Variants in LRCH2 observed in about 807,000 individuals in gnomAD.
The protein encoded by LRCH2 is leucine-rich repeat and calponin homology domain-containing protein 2.
A neutral mutation model predicts 68.9 loss-of-function variants in LRCH2; 38 were observed. That is an observed-to-expected ratio of 0.55 (90% CI 0.43 to 0.72). The LOEUF (loss-of-function observed/expected upper bound fraction) is 0.72, where lower values mean the gene tolerates loss of function less well. LRCH2 is among the 30% of genes least tolerant of loss of function. The pLI, the probability that LRCH2 is intolerant of heterozygous loss-of-function variation, is 0.00. For synonymous variants in LRCH2, 191 were observed against 208.1 expected (o/e 0.92, Z 0.71); for missense variants, 528 against 572.9 (o/e 0.92, Z 0.80).
intron 1 of LRCH2, among the ~76,000 whole-genome samples, chrX:115,228,348 T>G (rs2073132638): frequency 9.0e-6 from 1 of 110,911 alleles, no homozygotes. Flanking sequence ...ACACTCAAAG[T>G]GTAGAGAAAA....
chrX:115,202,432 TATTTGGGTGACAG>T (rs2072937036), intron 1 of LRCH2, among the ~76,000 whole-genome samples: 1 of 111,886 alleles, frequency 8.9e-6, no homozygotes, highest in African/African-American at 3.2e-5. Context: ...CAATGTATGT[TATTTGGGTGACAG>T]ATTCTCTGAA....
intron 2 of LRCH2, among the ~76,000 whole-genome samples, chrX:115,187,852 T>C (rs781891992): frequency 8.9e-5 from 10 of 112,853 alleles, no homozygotes; most frequent in African/African-American, 3.2e-4. Context: ...AAAATCTGTA[T>C]CGTGGTGCTA....
chrX:115,119,531 A>C (rs1325065089), intron 20 of LRCH2, among the ~76,000 whole-genome samples: 1 of 71,835 alleles, frequency 1.4e-5, no homozygotes, highest in Non-Finnish European at 2.6e-5. Context: ...GATACAAACA[A>C]ATGGAAGAAC....
chrX:115,192,647 C>T (rs1014395403), intron 1 of LRCH2: 11 of 1,165,933 alleles, frequency 9.4e-6, no homozygotes, highest in Non-Finnish European at 1.3e-5. Flanking sequence ...AGATACTAAG[C>T]AGGAACAGAC....
At chrX:115,203,991 C>A (rs1342406592) in intron 1 of LRCH2, among the ~76,000 whole-genome samples, 1 of 112,932 alleles carries the variant, frequency 8.9e-6, no homozygotes, top group African/African-American at 3.2e-5. Flanking sequence ...CTGCAGCAGA[C>A]TTCTGCCTGG....
chrX:115,221,019 CA>C (rs1263693620), intron 1 of LRCH2, among the ~76,000 whole-genome samples: 6 of 104,638 alleles, frequency 5.7e-5, no homozygotes, highest in Non-Finnish European at 1.2e-4. Context: ...ACTAAAAATA[CA>C]AAAAAAATTA....
chrX:115,212,289 A>G (rs1161702027), intron 1 of LRCH2, among the ~76,000 whole-genome samples: 2 of 112,011 alleles, frequency 1.8e-5, no homozygotes, highest in Non-Finnish European at 3.8e-5. Flanking sequence ...ATGCATGCAC[A>G]TGCAGTATTA....
intron 1 of LRCH2, among the ~76,000 whole-genome samples, chrX:115,213,911 A>G (rs2073024601): frequency 8.9e-6 from 1 of 112,111 alleles, no homozygotes; most frequent in African/African-American, 3.2e-5. Context: ...AGAAATAATC[A>G]ATAGAAATGA....
intron 20 of LRCH2, among the ~76,000 whole-genome samples, chrX:115,118,699 A>G (rs1216954542): frequency 3.6e-5 from 4 of 111,247 alleles, no homozygotes; most frequent in South Asian, 3.8e-4. Context: ...ACCAAAGCCG[A>G]GCAGAGACAC....
intron 5 of LRCH2, among the ~76,000 whole-genome samples, chrX:115,177,568 G>A (rs915122410): frequency 8.9e-6 from 1 of 111,752 alleles, no homozygotes; most frequent in East Asian, 2.8e-4. Flanking sequence ...TGGAGCCCCT[G>A]ACTCTGTTTC....
At chrX:115,123,404 T>C (rs1244861066) in intron 17 of LRCH2, among the ~76,000 whole-genome samples, 1 of 112,315 alleles carries the variant, frequency 8.9e-6, no homozygotes, top group Non-Finnish European at 1.9e-5. Flanking sequence ...TTCTACCACC[T>C]ATACATGTTC....
chrX:115,159,567 T>C (rs1437595211), intron 11 of LRCH2, among the ~76,000 whole-genome samples: 2 of 108,826 alleles, frequency 1.8e-5, no homozygotes, highest in Non-Finnish European at 3.8e-5. Context: ...CTGGCTAACA[T>C]GGTGAAACCC....
intron 1 of LRCH2, among the ~76,000 whole-genome samples, chrX:115,193,045 A>G (rs782644752): frequency 1.8e-5 from 2 of 111,513 alleles, no homozygotes; most frequent in South Asian, 7.7e-4. Context: ...TTGTGGGTGG[A>G]GAGTGGGAGG....
At chrX:115,225,806 A>G (rs782367688) in intron 1 of LRCH2, among the ~76,000 whole-genome samples, 79 of 109,681 alleles carry the variant, frequency 7.2e-4, no homozygotes, top group Admixed American at 2.5e-3. Context: ...TTCACAGTAC[A>G]GGAAAGACAT....
intron 1 of LRCH2, among the ~76,000 whole-genome samples, chrX:115,207,695 G>T (rs2072978794): frequency 8.9e-6 from 1 of 111,954 alleles, no homozygotes; most frequent in African/African-American, 3.2e-5. Context: ...ACATAAAAAA[G>T]GACATTAAAA....
chrX:115,147,023 T>C (rs1274715417), intron 14 of LRCH2, among the ~76,000 whole-genome samples: 3 of 109,199 alleles, frequency 2.7e-5, no homozygotes, highest in African/African-American at 1.0e-4. Flanking sequence ...AAAGAAATCC[T>C]GTGCCTCAGT....
chrX:115,200,961 T>C (rs1236616580), intron 1 of LRCH2, among the ~76,000 whole-genome samples: 4 of 111,710 alleles, frequency 3.6e-5, no homozygotes, highest in African/African-American at 1.3e-4. Flanking sequence ...CTGTATCAGT[T>C]CATTTTCATG....
chrX:115,175,451 G>A (rs782626379), intron 5 of LRCH2, among the ~76,000 whole-genome samples: 1 of 111,378 alleles, frequency 9.0e-6, no homozygotes, highest in African/African-American at 3.3e-5. Context: ...AGGAACAAAC[G>A]CTACAACAGA....
intron 12 of LRCH2, among the ~76,000 whole-genome samples, chrX:115,152,745 C>A (rs782773171): frequency 1.8e-5 from 2 of 110,856 alleles, no homozygotes; most frequent in African/African-American, 6.6e-5. Context: ...AATAAACCCA[C>A]AAATTCAAGA....
Sources: gnomAD v4.1 joint callset for allele counts (sites outside exome capture counted in the v4.1 genomes callset) on GRCh38, gnomAD v4.1.1 for gene constraint, MANE v1.5 for transcripts, NCBI Gene and HGNC (gene_info 2026-07-23, HGNC 2026-07-21) for gene names.